The following USP34 variants were observed in gnomAD, a reference collection of about 807,000 sequenced individuals.
The protein encoded by USP34 is ubiquitin specific peptidase 34, also known as ubiquitin carboxyl-terminal hydrolase 34.
USP34 carries 70 observed loss-of-function variants against 460.3 expected under a neutral mutation model. The observed-to-expected ratio is 0.15, with a 90% CI of 0.13 to 0.19. The LOEUF (loss-of-function observed/expected upper bound fraction) is 0.19, where lower values mean the gene tolerates loss of function less well. Ranked by LOEUF, USP34 falls within the 10% of genes least tolerant of loss-of-function variation. The pLI, the probability that USP34 is intolerant of heterozygous loss-of-function variation, is 1.00. For missense variants in USP34, 3,985 were observed against 4,236.2 expected, an observed-to-expected ratio of 0.94 and a Z score of 1.65; for synonymous variants, 1,647 against 1,405.3, an observed-to-expected ratio of 1.17 and a Z score of -3.85.
chr2:61,269,207 G>C (rs1045210987), intron 41 of USP34, among the ~76,000 whole-genome samples: 4 of 152,064 alleles, frequency 2.6e-5, no homozygotes, highest in Non-Finnish European at 4.4e-5. Context: ...TATCACCCAG[G>C]CTAGCGACAG....
At chr2:61,389,879 T>C (rs1314435270) in intron 5 of USP34, among the ~76,000 whole-genome samples, 1 of 152,110 alleles carries the variant, frequency 6.6e-6, no homozygotes, top group Non-Finnish European at 1.5e-5. Flanking sequence ...AAAAAGTTCC[T>C]TGCTCCCTGT....
At chr2:61,309,022 G>A (rs1690503320) in intron 27 of USP34, among the ~76,000 whole-genome samples, 3 of 151,914 alleles carry the variant, frequency 2.0e-5, no homozygotes, top group South Asian at 4.2e-4. Context: ...GTGACAGAGG[G>A]AGACTATCTC....
intron 1 of USP34, among the ~76,000 whole-genome samples, chr2:61,437,774 A>AAAAT (rs61610795): frequency 0.1 from 13,721 of 134,488 alleles, 759 homozygotes; most frequent in African/African-American, 0.12. Flanking sequence ...CTCCGTCTCA[A>AAAAT]AAATAAATAA....
intron 44 of USP34, among the ~76,000 whole-genome samples, chr2:61,257,958 A>T (rs1688765355): frequency 1.3e-5 from 2 of 152,214 alleles, no homozygotes; most frequent in Admixed American, 1.3e-4. Context: ...GGCCGAATAA[A>T]CTTTCCCAGA....
rs535992838 is a variant in USP34, at chr2:61,375,977, C to A, written c.1076+2386G>T. Reference sequence around the variant, plus strand: ...GAAGCCAGAAGAAAATGACTACTATCATTTGATTCCTTTTAAATGAAATAT... The same window carrying A: ...GAAGCCAGAAGAAAATGACTACTATAATTTGATTCCTTTTAAATGAAATAT... On this transcript the variant is annotated intron_variant, in intron 8 of 79. Coordinates refer to ENST00000398571, the MANE Select transcript of USP34 (RefSeq NM_014709.4). Among the ~76,000 whole-genome samples the A allele has an allele frequency of 2.6e-5, 4 of 152,150 alleles. No homozygotes were observed. The South Asian group carries it at 6.2e-4, about 24-fold the overall frequency.
At chr2:61,229,055 GA>G (rs1389120703) in intron 59 of USP34, 60 bp from the exon 60 acceptor site, 1 of 1,301,342 alleles carries the variant, frequency 7.7e-7, no homozygotes, top group Non-Finnish European at 1.0e-6. Flanking sequence ...CTGTTCGAGA[GA>G]AAAAGTACTT....
At chr2:61,382,811 A>ACCCAC (rs771237661) in intron 6 of USP34, among the ~76,000 whole-genome samples, 44 of 152,034 alleles carry the variant, frequency 2.9e-4, no homozygotes, top group Admixed American at 9.2e-4. Flanking sequence ...ATAAACTGTA[A>ACCCAC]CCCACCCCCT....
intron 1 of USP34, among the ~76,000 whole-genome samples, chr2:61,436,475 A>G (rs1329903275): frequency 6.6e-6 from 1 of 152,230 alleles, no homozygotes; most frequent in Non-Finnish European, 1.5e-5. Flanking sequence ...AGGACACTAT[A>G]TAATAAAGGC....
chr2:61,470,977 G>A lies in USP34; in HGVS notation c.-285C>T, dbSNP rs1299598329. Among the ~76,000 whole-genome samples the A allele has an allele frequency of 2.2e-5, 3 of 136,618 alleles. No individual in the cohort carries two copies. Among genetic ancestry groups the A allele is most frequent in the East Asian group, 2.4e-4 (1 of 4,120 alleles). The allele number at this position is 136,618 out of a possible 152,430, so 89.6% of individuals were successfully genotyped here. A position where few individuals can be genotyped will look rare whatever the true frequency, so the allele number is the denominator to read the frequency against. ...GAAGGGGGGGAAGGACGGGGGGAGGGGAGAGGGGGGGAGGGGGCGGGTGGG... is the reference window on the plus strand; with the variant it reads ...GAAGGGGGGGAAGGACGGGGGGAGGAGAGAGGGGGGGAGGGGGCGGGTGGG... On this transcript the variant is annotated 5_prime_UTR_variant, in exon 1 of 80. Coordinates refer to ENST00000398571, the MANE Select transcript of USP34 (RefSeq NM_014709.4).
At chr2:61,338,235 C>T (rs1014788065) in intron 18 of USP34, among the ~76,000 whole-genome samples, 2 of 152,214 alleles carry the variant, frequency 1.3e-5, no homozygotes, top group East Asian at 3.9e-4. Flanking sequence ...GTGGGAGAAT[C>T]GCTTGAATGC....
At chr2:61,340,286 A>G (rs535723034) in intron 16 of USP34, among the ~76,000 whole-genome samples, 13 of 152,300 alleles carry the variant, frequency 8.5e-5, no homozygotes, top group East Asian at 5.8e-4. Context: ...TAGAAATACT[A>G]CATTTTGTTT....
chr2:61,248,826 C>G (rs1320807045), intron 48 of USP34, 143 bp from the exon 49 acceptor site: 2 of 673,718 alleles, frequency 3.0e-6, no homozygotes. Context: ...GGGATACCTT[C>G]TGAGAACACC....
intron 74 of USP34, among the ~76,000 whole-genome samples, chr2:61,203,974 A>T (rs776269059): frequency 6.6e-6 from 1 of 151,894 alleles, no homozygotes; most frequent in African/African-American, 2.4e-5. Context: ...AAATTTAGAT[A>T]TATGACCCAG....
chr2:61,200,967 G>C (rs1229947940), intron 75 of USP34, among the ~76,000 whole-genome samples: 1 of 151,958 alleles, frequency 6.6e-6, no homozygotes, highest in Non-Finnish European at 1.5e-5. Context: ...TTGTATCTAA[G>C]ACAATGTCCA....
chr2:61,293,432 G>GT, intron 33 of USP34, 32 bp downstream of exon 33: 2 of 1,524,522 alleles, frequency 1.3e-6, no homozygotes, highest in Non-Finnish European at 9.0e-7. Flanking sequence ...GATAACTACT[G>GT]TAACTAGTTG....
intron 10 of USP34, among the ~76,000 whole-genome samples, chr2:61,357,432 TTTTA>T (rs750464424): frequency 9.2e-5 from 14 of 151,598 alleles, no homozygotes; most frequent in Non-Finnish European, 1.6e-4. Flanking sequence ...CAGAGGAAAA[TTTTA>T]TTTATGCATG....
chr2:61,233,035 T>A (rs1026148793), intron 57 of USP34, among the ~76,000 whole-genome samples: 4 of 151,934 alleles, frequency 2.6e-5, no homozygotes, highest in South Asian at 2.1e-4. Context: ...GATTTTTGTA[T>A]TTTTAGTAGA....
At chr2:61,327,005 C>CT (rs1299478130) in intron 20 of USP34, among the ~76,000 whole-genome samples, 3 of 151,930 alleles carry the variant, frequency 2.0e-5, no homozygotes, top group Admixed American at 6.6e-5. Flanking sequence ...CAGCTGGTCT[C>CT]TAACTCCTGA....
chr2:61,333,669 T>G (rs1691336206), intron 19 of USP34, among the ~76,000 whole-genome samples: 1 of 152,058 alleles, frequency 6.6e-6, no homozygotes, highest in African/African-American at 2.4e-5. Flanking sequence ...AGTACTGTTC[T>G]CAAACTCCAA....
Sources: gnomAD v4.1 joint callset for allele counts (sites outside exome capture counted in the v4.1 genomes callset) on GRCh38, gnomAD v4.1.1 for gene constraint, MANE v1.5 for transcripts, NCBI Gene and HGNC (gene_info 2026-07-23, HGNC 2026-07-21) for gene names.